FAM163A: variants seen among roughly 807,000 people sequenced by gnomAD.
FAM163A encodes family with sequence similarity 163 member A.
Under a neutral mutation model 12.0 loss-of-function variants are expected in FAM163A, and 7 were observed. That is an observed-to-expected ratio of 0.58 (90% CI 0.33 to 1.10). The LOEUF (loss-of-function observed/expected upper bound fraction) is 1.10, where lower values mean the gene tolerates loss of function less well. Among genes scored for constraint, FAM163A ranks in the 50% least tolerant of loss-of-function variants. FAM163A has a pLI of 0.03. For missense variants in FAM163A, 202 were observed against 218.6 expected, an observed-to-expected ratio of 0.92 and a Z score of 0.48; for synonymous variants, 101 against 91.0, an observed-to-expected ratio of 1.11 and a Z score of -0.62.
intron 4 of FAM163A, 69 bp downstream of exon 4, chr1:179,813,259 A>G (rs1694953372): frequency 3.5e-6 from 5 of 1,427,224 alleles, no homozygotes; most frequent in Non-Finnish European, 4.8e-6. Flanking sequence ...TTATGGGGGC[A>G]GAAACTGGAG....
Position 179,782,296 on chromosome 1 carries a change from T to A in FAM163A, c.-135-25502T>A, listed in dbSNP as rs1374993649. ...GGGCTTAATTTAACAGACCTGGGAC[T>A]CATTGAATTAGCCAATGTAGAGGGG... On this transcript the variant is annotated intron_variant, in intron 1 of 4. Transcript: ENST00000341785. Among the ~76,000 whole-genome samples the A allele has an allele frequency of 3.3e-5, 5 of 151,928 alleles. No homozygotes were observed. In the East Asian group the frequency reaches 9.7e-4, roughly 29 times the overall value.
chr1:179,804,886 T>C (rs528374585), intron 1 of FAM163A, among the ~76,000 whole-genome samples: 1 of 152,328 alleles, frequency 6.6e-6, no homozygotes, highest in African/African-American at 2.4e-5. Flanking sequence ...TGAAATAATC[T>C]GCACAACAAA....
At chr1:179,806,947 C>T (rs1694022301) in intron 1 of FAM163A, among the ~76,000 whole-genome samples, 2 of 152,066 alleles carry the variant, frequency 1.3e-5, no homozygotes, top group South Asian at 2.1e-4. Flanking sequence ...CTACTAAAAA[C>T]ACAAAATAGC....
At chr1:179,768,779 TATTTTTAGTAGAGA>T (rs984679273) in intron 1 of FAM163A, among the ~76,000 whole-genome samples, 11 of 152,130 alleles carry the variant, frequency 7.2e-5, no homozygotes, top group African/African-American at 2.7e-4. Context: ...CTAATTTTTG[TATTTTTAGTAGAGA>T]CGGGGTTTCA....
intron 2 of FAM163A, among the ~76,000 whole-genome samples, chr1:179,808,350 T>G (rs1230274684): frequency 6.6e-6 from 1 of 152,242 alleles, no homozygotes; most frequent in Non-Finnish European, 1.5e-5. Flanking sequence ...ACACAGTGAT[T>G]ATCAGTTTCT....
At chr1:179,813,323 CAAG>C in intron 4 of FAM163A, 133 bp downstream of exon 4, 1 of 894,372 alleles carries the variant, frequency 1.1e-6, no homozygotes, top group South Asian at 1.6e-5. Context: ...AGGCGTAAGT[CAAG>C]GAGGATGGGA....
chr1:179,769,483 A>C (rs1169220375), intron 1 of FAM163A, among the ~76,000 whole-genome samples: 1 of 152,170 alleles, frequency 6.6e-6, no homozygotes, highest in Non-Finnish European at 1.5e-5. Context: ...TTCATCTTAC[A>C]TTTGGATAGG....
At chr1:179,761,617 C>G (rs180748672) in intron 1 of FAM163A, among the ~76,000 whole-genome samples, 3 of 152,306 alleles carry the variant, frequency 2.0e-5, no homozygotes, top group Admixed American at 1.3e-4. Context: ...TGATACAGAT[C>G]ACATTCTCAA....
intron 1 of FAM163A, among the ~76,000 whole-genome samples, chr1:179,746,762 C>T (rs571540724): frequency 2.6e-5 from 4 of 152,082 alleles, no homozygotes; most frequent in Non-Finnish European, 5.9e-5. Flanking sequence ...GGTGACGTAC[C>T]CCACCCCCTT....
At chr1:179,729,185 T>C in the FAM163A span, among the ~76,000 whole-genome samples, 1 of 152,222 alleles carries the variant, frequency 6.6e-6, no homozygotes, top group South Asian at 2.1e-4. Context: ...TTGGTGTATA[T>C]TGATAATATA....
the FAM163A span, among the ~76,000 whole-genome samples, chr1:179,731,477 G>C: frequency 1.3e-5 from 2 of 152,216 alleles, no homozygotes; most frequent in African/African-American, 2.4e-5. Context: ...AAAGCAACCG[G>C]AATGAAATTT....
intron 2 of FAM163A, among the ~76,000 whole-genome samples, chr1:179,809,459 G>A (rs1405866081): frequency 1.3e-5 from 2 of 152,162 alleles, no homozygotes; most frequent in Non-Finnish European, 2.9e-5. Context: ...GAGAAAGAAG[G>A]TCATTTTCCA....
At chr1:179,809,503 C>T (rs1300478757) in intron 2 of FAM163A, among the ~76,000 whole-genome samples, 1 of 152,204 alleles carries the variant, frequency 6.6e-6, no homozygotes, top group Non-Finnish European at 1.5e-5. Context: ...ACAGGTGATC[C>T]TCGAACCTGG....
At chr1:179,740,124 C>T (rs1185907596), upstream of FAM163A, among the ~76,000 whole-genome samples, 5 of 152,146 alleles carry the variant, frequency 3.3e-5, no homozygotes, top group South Asian at 1.0e-3. Flanking sequence ...AAAATGTATG[C>T]TCACTTGTAA....
upstream of FAM163A, chr1:179,742,236 T>C (rs150734691): frequency 1.6e-4 from 24 of 152,346 alleles, no homozygotes; most frequent in East Asian, 4.6e-3. Context: ...CTAAATTTCT[T>C]ACTCCCCTTC....
chr1:179,763,198 G>A (rs182887636), intron 1 of FAM163A, among the ~76,000 whole-genome samples: 2 of 152,284 alleles, frequency 1.3e-5, no homozygotes, highest in Admixed American at 6.5e-5. Flanking sequence ...AGACCTTCTC[G>A]TGATTTAGCC....
chr1:179,772,126 G>A (rs575459068), intron 1 of FAM163A, among the ~76,000 whole-genome samples: 2 of 152,234 alleles, frequency 1.3e-5, no homozygotes, highest in South Asian at 4.2e-4. Flanking sequence ...TCAAGCTGCT[G>A]CCCTCTAAAT....
chr1:179,770,388 T>A (rs1266973078), intron 1 of FAM163A, among the ~76,000 whole-genome samples: 1 of 152,176 alleles, frequency 6.6e-6, no homozygotes, highest in Non-Finnish European at 1.5e-5. Context: ...ACTCTTAGCC[T>A]GGCTTCCTGA....
At chr1:179,754,649 G>A (rs1368273287) in intron 1 of FAM163A, among the ~76,000 whole-genome samples, 3 of 152,170 alleles carry the variant, frequency 2.0e-5, no homozygotes, top group Non-Finnish European at 4.4e-5. Flanking sequence ...GGCTTCAAGA[G>A]ATGGCAAGGG....
Sources: gnomAD v4.1 joint callset for allele counts (sites outside exome capture counted in the v4.1 genomes callset) on GRCh38, gnomAD v4.1.1 for gene constraint, MANE v1.5 for transcripts, NCBI Gene and HGNC (gene_info 2026-07-23, HGNC 2026-07-21) for gene names.